RELN: variants seen among roughly 807,000 people sequenced by gnomAD.
The protein encoded by RELN is reelin.
In RELN, 108 loss-of-function variants were observed where a neutral mutation model predicts 427.6. The ratio of observed to expected loss-of-function variants is 0.25; its 90% CI spans 0.22 to 0.30. The LOEUF (loss-of-function observed/expected upper bound fraction) is 0.30, where lower values mean the gene tolerates loss of function less well. RELN is among the 10% of genes least tolerant of loss of function. The pLI, the probability that RELN is intolerant of heterozygous loss-of-function variation, is 1.00. For missense variants in RELN, 3,715 were observed against 4,302.8 expected, an observed-to-expected ratio of 0.86 and a Z score of 3.82; for synonymous variants, 1,524 against 1,513.4, an observed-to-expected ratio of 1.01 and a Z score of -0.16.
At chr7:103,909,544 T>C (rs1465350421) in intron 2 of RELN, among the ~76,000 whole-genome samples, 3 of 145,504 alleles carry the variant, frequency 2.1e-5, no homozygotes, top group South Asian at 2.1e-4. Context: ...GAGGTGGATG[T>C]TGTAGTGAGC....
At chr7:103,770,455 G>A (rs1791539058) in intron 4 of RELN, among the ~76,000 whole-genome samples, 1 of 152,086 alleles carries the variant, frequency 6.6e-6, no homozygotes, top group African/African-American at 2.4e-5. Context: ...TTCCCCCATG[G>A]TTTGCCTTCT....
At chr7:103,572,809 C>T (rs1830913785) in intron 30 of RELN, among the ~76,000 whole-genome samples, 1 of 152,052 alleles carries the variant, frequency 6.6e-6, no homozygotes, top group South Asian at 2.1e-4. Flanking sequence ...ATGGAAATTC[C>T]TTAAATCTAG....
intron 1 of RELN, among the ~76,000 whole-genome samples, chr7:103,935,634 C>G (rs956386705): frequency 6.6e-6 from 1 of 152,144 alleles, no homozygotes; most frequent in African/African-American, 2.4e-5. Context: ...TCCAGCTTAA[C>G]TCCCTGTAAG....
At chr7:103,885,077 C>T (rs6948789) in intron 2 of RELN, among the ~76,000 whole-genome samples, 39,819 of 152,092 alleles carry the variant, frequency 0.26, 5,737 homozygotes, top group East Asian at 0.63. Context: ...TAGTGGCTCA[C>T]GCCTGTAATC....
intron 1 of RELN, among the ~76,000 whole-genome samples, chr7:103,950,967 C>T (rs1033926922): frequency 2.6e-5 from 4 of 152,164 alleles, no homozygotes; most frequent in African/African-American, 7.2e-5. Context: ...CTCGCTCTGT[C>T]GCCCAGGCTG....
At chr7:103,920,840 C>G (rs1213480918) in intron 1 of RELN, among the ~76,000 whole-genome samples, 1 of 152,116 alleles carries the variant, frequency 6.6e-6, no homozygotes, top group East Asian at 1.9e-4. Flanking sequence ...TCCCAAAATG[C>G]TGGGATTACA....
chr7:103,875,842 T>C (rs7807415), intron 2 of RELN, among the ~76,000 whole-genome samples: 21,832 of 152,060 alleles, frequency 0.14, 1,888 homozygotes, highest in East Asian at 0.34. Flanking sequence ...GATTCTGAAA[T>C]GATTCAAGAG....
At chr7:103,900,957 G>T (rs1223264570) in intron 2 of RELN, among the ~76,000 whole-genome samples, 1 of 147,556 alleles carries the variant, frequency 6.8e-6, no homozygotes, top group Non-Finnish European at 1.5e-5. Flanking sequence ...GATGTTCTTT[G>T]GGGTGAAAAA....
chr7:103,723,058 T>C, intron 8 of RELN, 82 bp downstream of exon 8: 2 of 828,890 alleles, frequency 2.4e-6, no homozygotes. Flanking sequence ...CAAAAGCATC[T>C]GGCATTATAA....
At chr7:103,530,586 G>A (rs1240897424) in intron 46 of RELN, among the ~76,000 whole-genome samples, 1 of 152,158 alleles carries the variant, frequency 6.6e-6, no homozygotes, top group African/African-American at 2.4e-5. Context: ...CTTGCTATAA[G>A]TTAACCCAAC....
At chr7:103,959,061 G>C (rs2116784321) in intron 1 of RELN, among the ~76,000 whole-genome samples, 1 of 152,196 alleles carries the variant, frequency 6.6e-6, no homozygotes, top group Middle Eastern at 3.4e-3. Flanking sequence ...TCCTGCCTCA[G>C]CCTCCTGAGT....
At chr7:103,854,077 CTG>C (rs1284021884) in intron 2 of RELN, among the ~76,000 whole-genome samples, 2 of 152,108 alleles carry the variant, frequency 1.3e-5, no homozygotes, top group African/African-American at 4.8e-5. Flanking sequence ...AAATGTCACT[CTG>C]TATCTCACAA....
At chr7:103,735,561 T>C (rs908728715) in intron 6 of RELN, among the ~76,000 whole-genome samples, 1 of 152,092 alleles carries the variant, frequency 6.6e-6, no homozygotes, top group Non-Finnish European at 1.5e-5. Context: ...GATTTATGAA[T>C]GGTTGGTGGT....
At chr7:103,974,756 T>C (rs1013517104) in intron 1 of RELN, among the ~76,000 whole-genome samples, 1 of 152,238 alleles carries the variant, frequency 6.6e-6, no homozygotes, top group Non-Finnish European at 1.5e-5. Context: ...ACATATCTGT[T>C]GAGTATGGAG....
At position 103,523,357 on chromosome 7, in the gene RELN, G is replaced by A. The variant is rs111541528; in HGVS notation, c.7490+34C>T. 4.0e-5 allele frequency: 64 copies of A among 1,613,672 alleles called. 2 individuals carry two copies. The African/African-American group carries it at 4.8e-4, about 12-fold the overall frequency. ...CTCCTAGATGGAATGTGAATCAGGA[G>A]CTTTCAACAGAAGGAAGAAAAAAAC... On this transcript the variant is annotated intron_variant, in intron 47 of 64. Coordinates refer to ENST00000428762, the MANE Select transcript of RELN (RefSeq NM_005045.4).
At position 103,565,551 on chromosome 7, in the gene RELN, C is replaced by A; in HGVS notation, c.4937G>T (p.Gly1646Val). Residue 1646 changes from glycine to valine, a missense_variant and splice_region_variant, in exon 34 of 65, where the codon GGA becomes GTA. Around this residue, in one of 4 missense-constraint regions of RELN, gnomAD observed 2,208 missense variants for 2,361.7 expected, o/e 0.93. Coordinates refer to ENST00000428762, the MANE Select transcript of RELN (RefSeq NM_005045.4). The part of the protein sequence containing the change: ...DTALIFTENI[G>V]KPRYAETWDF... ...CCAGGTCTCAGCATAACGAGGTTTT[C>A]CTGAAAAAAAAAAATGTGTAATGGT... 1 of 1,593,326 alleles carries A rather than the reference C, an allele frequency of 6.3e-7. No homozygotes were observed. The highest frequency in any genetic ancestry group is 8.5e-7 in the Non-Finnish European group (1 of 1,171,606).
chr7:103,703,281 C>T (rs923754446), intron 8 of RELN, among the ~76,000 whole-genome samples: 3 of 152,178 alleles, frequency 2.0e-5, no homozygotes, highest in African/African-American at 4.8e-5. Flanking sequence ...TACTCCCGCC[C>T]GGTGTAGCTG....
At chr7:103,751,648 G>A (rs965262138) in intron 5 of RELN, among the ~76,000 whole-genome samples, 2 of 152,234 alleles carry the variant, frequency 1.3e-5, no homozygotes, top group African/African-American at 4.8e-5. Flanking sequence ...CAATCTGGCC[G>A]AGACTTGGCT....
intron 4 of RELN, among the ~76,000 whole-genome samples, chr7:103,764,121 T>C (rs932998002): frequency 2.0e-5 from 3 of 152,152 alleles, no homozygotes; most frequent in African/African-American, 4.8e-5. Context: ...TTAGAATATA[T>C]TGAGTTCAAG....
Sources: gnomAD v4.1 joint callset for allele counts (sites outside exome capture counted in the v4.1 genomes callset) on GRCh38, gnomAD v4.1.1 for gene constraint, gnomAD v4.1.1 regional missense constraint, MANE v1.5 for transcripts, NCBI Gene and HGNC (gene_info 2026-07-23, HGNC 2026-07-21) for gene names.